RABL6: variants seen among roughly 807,000 people sequenced by gnomAD.
RABL6 encodes RAB, member RAS oncogene family like 6, also known as rab-like protein 6.
Under a neutral mutation model 72.9 loss-of-function variants are expected in RABL6, and 28 were observed. The observed-to-expected ratio is 0.38, with a 90% CI of 0.28 to 0.53. The LOEUF (loss-of-function observed/expected upper bound fraction) is 0.53, where lower values mean the gene tolerates loss of function less well. RABL6 is among the 20% of genes least tolerant of loss of function. The pLI is 0.80. For synonymous variants in RABL6, 477 were observed against 421.2 expected (o/e 1.13, Z -1.62); for missense variants, 1,029 against 1,008.4 (o/e 1.02, Z -0.28).
intron 1 of RABL6, chr9:136,821,265 C>T (rs1311890360): frequency 1.1e-6 from 1 of 947,892 alleles, no homozygotes; most frequent in Non-Finnish European, 1.3e-6. Context: ...CGCGTTGGTT[C>T]TGGCCGCGGG....
chr9:136,810,114 C>G (rs1207298215), intron 1 of RABL6: 1 of 152,168 alleles, frequency 6.6e-6, no homozygotes, highest in Non-Finnish European at 1.5e-5. Context: ...TGAGTTTACG[C>G]CAGTTTTTAG....
chr9:136,826,184 G>C lies in RABL6; in HGVS notation c.313+358G>C, dbSNP rs1412830796. On this transcript the variant is annotated intron_variant, in intron 3 of 14. Transcript: ENST00000311502. This position sits in a 1 kb window ranked among gnomAD's most constrained non-coding sequence, Gnocchi z 4.9. ...GTAGCCCAGCACCAGGCGGCCCCCT[G>C]CCCATAGCTGAGGACCCAGCTCCTG... is the stretch of plus-strand genomic sequence containing the variant. Among the ~76,000 whole-genome samples the C allele has an allele frequency of 6.6e-6, 1 of 152,150 alleles. No homozygotes were observed. Among genetic ancestry groups the C allele is most frequent in the Non-Finnish European group, 1.5e-5 (1 of 67,996 alleles).
intron 1 of RABL6, chr9:136,809,745 CAGAA>C (rs1183206986): frequency 1.3e-5 from 2 of 154,724 alleles, no homozygotes; most frequent in African/African-American, 2.4e-5. Context: ...GCGTGCTCAT[CAGAA>C]AGAAAGCGCA....
chr9:136,825,255 G>C (rs1588358956), intron 2 of RABL6, among the ~76,000 whole-genome samples: 1 of 152,256 alleles, frequency 6.6e-6, no homozygotes, highest in African/African-American at 2.4e-5. Flanking sequence ...CCAGTCACTG[G>C]ATGAAGAAAC....
At chr9:136,815,915 T>C (rs1043599867) in intron 1 of RABL6, among the ~76,000 whole-genome samples, 48 of 152,296 alleles carry the variant, frequency 3.2e-4, no homozygotes, top group African/African-American at 1.1e-3. Context: ...CACATCCCGT[T>C]TAGTAAAAGA....
chr9:136,838,689 C>T (rs1387221318), intron 10 of RABL6, among the ~76,000 whole-genome samples: 16 of 152,368 alleles, frequency 1.1e-4, no homozygotes, highest in South Asian at 2.1e-4. Flanking sequence ...ACCCACTGAG[C>T]GGCCGCAGGG....
In RABL6 at chr9:136,823,665, T is replaced by C. The variant is rs1288812001; in HGVS notation, c.265+6T>C. On this transcript the variant is annotated splice_donor_region_variant and intron_variant, in intron 2 of 14. Transcript: ENST00000311502. The stretch of plus-strand genomic sequence containing the variant: ...CATCCACTGGAGCTACAAGAGTAAG[T>C]GTGGTGGGTGCCCCAGTGGGTTCGG... The C allele has an allele frequency of 1.2e-6, 2 of 1,602,882 alleles. No individual in the cohort carries two copies. Among genetic ancestry groups the C allele is most frequent in the Admixed American group, 1.7e-5 (1 of 59,254 alleles).
At chr9:136,832,643 G>C (rs1268757312) in intron 7 of RABL6, 11 of 489,612 alleles carry the variant, frequency 2.2e-5, no homozygotes, top group Non-Finnish European at 3.8e-5. Flanking sequence ...GGTTGTTTTT[G>C]TTTGTTGAGA....
rs888670342 is a variant in RABL6, at chr9:136,841,068, G to A, written c.*546G>A. On this transcript the variant is annotated 3_prime_UTR_variant, in exon 15 of 15. Coordinates refer to ENST00000311502, the MANE Select transcript of RABL6 (RefSeq NM_024718.5). ...TGTGAGGCCTCTCCTGGGAGTGGGG[G>A]TTGTGTTTCCCACAGTGGCCTCAGC... The A allele has an allele frequency of 2.1e-6, 3 of 1,412,582 alleles. No homozygotes were observed. Among genetic ancestry groups the A allele is most frequent in the Non-Finnish European group, 2.8e-6 (3 of 1,084,748 alleles). 87.5% of individuals were successfully genotyped at this position (1,412,582 alleles called of 1,614,324 possible).
At chr9:136,832,619 C>T in intron 7 of RABL6, 1 of 551,696 alleles carries the variant, frequency 1.8e-6, no homozygotes, top group Non-Finnish European at 3.3e-6. Flanking sequence ...TGCTCAGTTT[C>T]CCCCAGTGTT....
chr9:136,831,208 T>C (rs1418214893), intron 5 of RABL6, among the ~76,000 whole-genome samples: 1 of 152,176 alleles, frequency 6.6e-6, no homozygotes, highest in Non-Finnish European at 1.5e-5. Flanking sequence ...AGGCAGACTC[T>C]GGAGACTTGC....
At chr9:136,838,686 G>C (rs2131205664) in intron 10 of RABL6, among the ~76,000 whole-genome samples, 1 of 152,336 alleles carries the variant, frequency 6.6e-6, no homozygotes, top group Admixed American at 6.5e-5. Flanking sequence ...TTCACCCACT[G>C]AGCGGCCGCA....
At position 136,839,119 on chromosome 9, in the gene RABL6, G is replaced by C; in HGVS notation, c.1491G>C (p.Lys497Asn). The stretch of plus-strand genomic sequence containing the variant: ...AGCAGTGCTCAGAGCCAGAGACCAA[G>C]TGGTAAGGGCAGGTGTCCCCACGGG... ...APQQCSEPET[K>N]WSSIPASKPR... Residue 497 changes from lysine to asparagine, a missense_variant and splice_region_variant, in exon 11 of 15, where the codon AAG becomes AAC. Transcript: ENST00000311502. 3 of 1,612,236 alleles carry C rather than the reference G, an allele frequency of 1.9e-6. No homozygotes were observed. The highest frequency in any genetic ancestry group is 2.5e-6 in the Non-Finnish European group (3 of 1,179,738).
rs1564365622 is a variant in RABL6, at chr9:136,826,941, T to C, written c.313+1115T>C. The C allele has an allele frequency of 6.6e-6, 1 of 151,644 alleles. No individual in the cohort carries two copies. Among genetic ancestry groups the C allele is most frequent in the Non-Finnish European group, 1.5e-5 (1 of 67,954 alleles). 9.4% of individuals were successfully genotyped at this position (151,644 alleles called of 1,614,324 possible). The stretch of plus-strand genomic sequence containing the variant: ...TTCCCGTAGACACGGTTGCCCAGAG[T>C]GGGGTTCATAACTGGGCACTGTAAA... On this transcript the variant is annotated intron_variant, in intron 3 of 14. Transcript: ENST00000311502. This position sits in a 1 kb window ranked among gnomAD's most constrained non-coding sequence, Gnocchi z 4.9.
At chr9:136,817,923 A>G (rs1848153241) in intron 1 of RABL6, among the ~76,000 whole-genome samples, 1 of 151,928 alleles carries the variant, frequency 6.6e-6, no homozygotes, top group Non-Finnish European at 1.5e-5. Flanking sequence ...TTAGCCGGGC[A>G]TGAGGGCAGG....
Position 136,823,511 on chromosome 9 carries a change from C to T in RABL6, c.131-14C>T, listed in dbSNP as rs773126745. 8.7e-6 allele frequency: 14 copies of T among 1,612,904 alleles called. No individual in the cohort carries two copies. Among genetic ancestry groups the T allele is most frequent in the African/African-American group, 4.0e-5 (3 of 74,934 alleles). ...CGTTTAATTTGCCTTTTCTTTTTCT[C>T]TTCCCGTCCCCAGTGAAGATAGTGA... is the stretch of plus-strand genomic sequence containing the variant. On this transcript the variant is annotated splice_polypyrimidine_tract_variant and intron_variant, in intron 1 of 14. Transcript: ENST00000311502.
chr9:136,829,505 G>GAA, intron 5 of RABL6, 21 bp downstream of exon 5: 1 of 1,551,006 alleles, frequency 6.4e-7, no homozygotes, highest in Non-Finnish European at 8.7e-7. Context: ...GCTGGCGGGG[G>GAA]CAGCTGCCTG....
At chr9:136,839,540 A>C in intron 12 of RABL6, 54 bp downstream of exon 12, 1 of 1,575,486 alleles carries the variant, frequency 6.3e-7, no homozygotes, top group Non-Finnish European at 8.6e-7. Context: ...GGTCCCTCCC[A>C]CAGGCCTGAT....
At chr9:136,821,666 CGCGCTGGGGCCTGGCTCCCTCCTGGCT>C in intron 1 of RABL6, 1 of 989,772 alleles carries the variant, frequency 1.0e-6, no homozygotes, top group Non-Finnish European at 1.2e-6. Flanking sequence ...GGCCTCCCGC[CGCGCTGGGGCCTGGCTCCCTCCTGGCT>C]GCGCTGAGCG....
Sources: gnomAD v4.1 joint callset for allele counts (sites outside exome capture counted in the v4.1 genomes callset) on GRCh38, gnomAD v4.1.1 for gene constraint, Gnocchi (gnomAD v3.1) non-coding constraint, MANE v1.5 for transcripts, NCBI Gene and HGNC (gene_info 2026-07-23, HGNC 2026-07-21) for gene names.